Variants in NPAS2 observed in about 807,000 individuals in gnomAD.
NPAS2 encodes neuronal PAS domain-containing protein 2.
In NPAS2, 23 loss-of-function variants were observed where a neutral mutation model predicts 107.5. That is an observed-to-expected ratio of 0.21 (90% CI 0.15 to 0.30). NPAS2 has a LOEUF of 0.30. NPAS2 is among the 10% of genes least tolerant of loss of function. The pLI is 1.00. For synonymous variants in NPAS2, 403 were observed against 417.5 expected, an observed-to-expected ratio of 0.97 and a Z score of 0.42; for missense variants, 756 against 1,043.3, an observed-to-expected ratio of 0.72 and a Z score of 3.79.
intron 1 of NPAS2, among the ~76,000 whole-genome samples, chr2:100,871,719 C>T (rs1679599485): frequency 6.6e-6 from 1 of 152,132 alleles, no homozygotes; most frequent in Admixed American, 6.5e-5. Flanking sequence ...ACCTCTTCAG[C>T]TCCAGCGTTG....
rs140641455 is a variant in NPAS2, at chr2:100,874,319, A to G, written c.-22-30414A>G. On this transcript the variant is annotated intron_variant, in intron 1 of 20. Coordinates refer to ENST00000335681, the MANE Select transcript of NPAS2 (RefSeq NM_002518.4). ...TGGAGTACAACCCACATGATGGAGCAGAACAACGATTGGTCATGTTTGATT... is the reference window on the plus strand; with the variant it reads ...TGGAGTACAACCCACATGATGGAGCGGAACAACGATTGGTCATGTTTGATT... Among the ~76,000 whole-genome samples the G allele has an allele frequency of 2.1e-3, 324 of 152,328 alleles. 1 individual carries two copies. Among genetic ancestry groups the G allele is most frequent in the African/African-American group, 7.4e-3 (309 of 41,580 alleles).
chr2:100,936,979 C>CAAAAAA (rs34968729), intron 4 of NPAS2, among the ~76,000 whole-genome samples: 3 of 74,632 alleles, frequency 4.0e-5, no homozygotes, highest in East Asian at 3.4e-4. Flanking sequence ...GACTCCATCT[C>CAAAAAA]AAAAAAAAAA....
chr2:100,854,675 G>A lies in NPAS2; in HGVS notation c.-23+34261G>A, dbSNP rs138895957. Among the ~76,000 whole-genome samples, 463 of 152,330 alleles carry A rather than the reference G, an allele frequency of 3.0e-3. 3 individuals are homozygous for A. The highest frequency in any genetic ancestry group is 0.01 in the African/African-American group (433 of 41,572). On this transcript the variant is annotated intron_variant, in intron 1 of 20. Transcript: ENST00000335681. The stretch of plus-strand genomic sequence containing the variant: ...GGCCAGGGTCAGGTGCTCACCCTGC[G>A]AGTGAGGTGACAAGTACTGTGAGTG...
intron 16 of NPAS2, chr2:100,987,403 CATG>C (rs1677842214): frequency 6.6e-6 from 1 of 152,230 alleles, no homozygotes; most frequent in African/African-American, 2.4e-5. Context: ...CAGAGATGAT[CATG>C]ATGATTACAA....
At chr2:100,862,595 T>C (rs1679009540) in intron 1 of NPAS2, among the ~76,000 whole-genome samples, 1 of 152,206 alleles carries the variant, frequency 6.6e-6, no homozygotes, top group South Asian at 2.1e-4. Flanking sequence ...TCCCTTACCA[T>C]AACCTTCCTC....
At chr2:100,822,424 G>A (rs1213873500) in intron 1 of NPAS2, among the ~76,000 whole-genome samples, 1 of 152,136 alleles carries the variant, frequency 6.6e-6, no homozygotes, top group African/African-American at 2.4e-5. Context: ...GATGAAAATC[G>A]TTAAAGATAA....
intron 1 of NPAS2, among the ~76,000 whole-genome samples, chr2:100,851,427 T>A (rs1308763189): frequency 6.6e-6 from 1 of 152,230 alleles, no homozygotes; most frequent in Non-Finnish European, 1.5e-5. Flanking sequence ...ATCAAGGTCC[T>A]TGACAAGTTC....
chr2:100,853,602 T>C (rs1558809792), intron 1 of NPAS2, among the ~76,000 whole-genome samples: 1 of 152,204 alleles, frequency 6.6e-6, no homozygotes, highest in Non-Finnish European at 1.5e-5. Context: ...GAACAGGCTT[T>C]TCACATGGTT....
In NPAS2 at chr2:100,829,299, C is replaced by T. The variant is rs555942024; in HGVS notation, c.-23+8885C>T. Among the ~76,000 whole-genome samples the T allele has an allele frequency of 7.2e-5, 11 of 151,772 alleles. No individual in the cohort carries two copies. The South Asian group carries it at 1.2e-3, about 17-fold the overall frequency. ...TCCTGAGTAGTTGGGACTACAGGCA[C>T]GCACCACCATGCCTGGCTAATTTTT... On this transcript the variant is annotated intron_variant, in intron 1 of 20. Transcript: ENST00000335681.
intron 5 of NPAS2, among the ~76,000 whole-genome samples, chr2:100,941,385 A>G (rs956565382): frequency 1.3e-5 from 2 of 152,138 alleles, no homozygotes; most frequent in African/African-American, 4.8e-5. Context: ...GTAACTCAGC[A>G]ACACCCGTCT....
intron 1 of NPAS2, among the ~76,000 whole-genome samples, chr2:100,889,026 A>G (rs961467181): frequency 3.9e-5 from 6 of 152,236 alleles, no homozygotes; most frequent in African/African-American, 1.4e-4. Flanking sequence ...TGACAGATGT[A>G]AGGAGAGGGA....
chr2:100,869,993 C>T (rs552628855), intron 1 of NPAS2, among the ~76,000 whole-genome samples: 127 of 149,242 alleles, frequency 8.5e-4, no homozygotes, highest in African/African-American at 2.9e-3. Context: ...CAAGCTCTGC[C>T]TCCCGGGTTC....
At chr2:100,936,547 A>G (rs1332690331) in intron 4 of NPAS2, among the ~76,000 whole-genome samples, 3 of 152,156 alleles carry the variant, frequency 2.0e-5, no homozygotes, top group East Asian at 1.9e-4. Flanking sequence ...TCACTGGCAC[A>G]CCCTAGACAG....
intron 2 of NPAS2, among the ~76,000 whole-genome samples, chr2:100,914,213 G>A (rs1682729681): frequency 6.6e-6 from 1 of 152,128 alleles, no homozygotes; most frequent in Non-Finnish European, 1.5e-5. Context: ...GCCCTCTCCT[G>A]CCTTGCATTA....
At chr2:100,979,502 ATTTTTTT>A (rs757799235) in intron 15 of NPAS2, among the ~76,000 whole-genome samples, 7 of 43,330 alleles carry the variant, frequency 1.6e-4, no homozygotes, top group Non-Finnish European at 2.1e-4. Flanking sequence ...ATATATATAT[ATTTTTTT>A]TTTTTTTTTT....
At chr2:100,819,791 ACC>A (rs35075064), upstream of NPAS2, among the ~76,000 whole-genome samples, 48,821 of 144,978 alleles carry the variant, frequency 0.34, 10,335 homozygotes, top group African/African-American at 0.61. This position sits in a 1 kb window ranked among gnomAD's most constrained non-coding sequence, Gnocchi z 5.8. Context: ...TGGAAGCACA[ACC>A]CCCCCCTCCC....
intron 11 of NPAS2, among the ~76,000 whole-genome samples, chr2:100,969,792 C>T (rs989645251): frequency 6.6e-6 from 1 of 152,150 alleles, no homozygotes; most frequent in Admixed American, 6.5e-5. Flanking sequence ...TGCTATTGCA[C>T]TGAACACTAC....
chr2:100,905,187 A>G (rs1011173331), intron 2 of NPAS2, among the ~76,000 whole-genome samples: 1 of 152,076 alleles, frequency 6.6e-6, no homozygotes, highest in Non-Finnish European at 1.5e-5. Flanking sequence ...CTGGCTTTGG[A>G]TAATAATAAT....
intron 5 of NPAS2, 107 bp from the exon 6 acceptor site, chr2:100,948,128 C>G: frequency 7.8e-7 from 1 of 1,275,156 alleles, no homozygotes; most frequent in Non-Finnish European, 1.1e-6. Context: ...TTGAACTTTC[C>G]ATTTCAGAAA....
Sources: allele counts gnomAD v4.1 joint callset (sites outside exome capture counted in the v4.1 genomes callset), GRCh38; gene constraint gnomAD v4.1.1; non-coding constraint Gnocchi (gnomAD v3.1); transcripts MANE v1.5; gene names NCBI Gene and HGNC (gene_info 2026-07-23, HGNC 2026-07-21).